The following UNC13B variants were observed in gnomAD, a reference collection of about 807,000 sequenced individuals.
The protein encoded by UNC13B is unc-13 homolog B.
In UNC13B, 144 loss-of-function variants were observed where a neutral mutation model predicts 211.0. That is an observed-to-expected ratio of 0.68 (90% CI 0.60 to 0.78). The LOEUF is 0.78. Ranked by LOEUF, UNC13B falls within the 30% of genes least tolerant of loss-of-function variation. UNC13B has a pLI of 0.00. For missense variants in UNC13B, 1,777 were observed against 2,002.0 expected, an observed-to-expected ratio of 0.89 and a Z score of 2.14; for synonymous variants, 709 against 725.8, an observed-to-expected ratio of 0.98 and a Z score of 0.37.
rs547397955 is a variant in UNC13B, at chr9:35,223,845, C to T, written c.23-4170C>T. Among the ~76,000 whole-genome samples, 6 of 152,036 alleles carry T rather than the reference C, an allele frequency of 3.9e-5. No homozygotes were observed. In the South Asian group the frequency reaches 1.0e-3, roughly 26 times the overall value. ...TTTGAGTTGATTTTTGTGATAGGTGCCCAGTTTCATTCTTCTGTAATATGG... is the reference window on the plus strand; with the variant it reads ...TTTGAGTTGATTTTTGTGATAGGTGTCCAGTTTCATTCTTCTGTAATATGG... On this transcript the variant is annotated intron_variant, in intron 1 of 39. Coordinates refer to ENST00000635942, the MANE Select transcript of UNC13B (RefSeq NM_001371189.2).
intron 11 of UNC13B, chr9:35,342,288 A>G: frequency 1.0e-6 from 1 of 985,534 alleles, no homozygotes; most frequent in Non-Finnish European, 1.2e-6. Flanking sequence ...TTGAGAATTC[A>G]TGGTTTTAAT....
chr9:35,402,179 T>C (rs1266761898), intron 37 of UNC13B, among the ~76,000 whole-genome samples: 2 of 152,166 alleles, frequency 1.3e-5, no homozygotes, highest in Non-Finnish European at 2.9e-5. Flanking sequence ...AGGGGTTCTG[T>C]TGTTGATCTC....
intron 6 of UNC13B, among the ~76,000 whole-genome samples, chr9:35,253,469 C>T (rs1297156803): frequency 2.0e-5 from 3 of 152,096 alleles, no homozygotes; most frequent in African/African-American, 7.2e-5. Context: ...TTTAAGTATA[C>T]ATACAAATAC....
In UNC13B at chr9:35,399,715, C is replaced by A; in HGVS notation, c.12322C>A (p.Leu4108Met). 1 of 1,614,156 alleles carries A rather than the reference C, an allele frequency of 6.2e-7. No homozygotes were observed. ...GCAGTGTGCAGTCCTTGACCTCGCC[C>A]TGGACACCATCAAGGTGGAGGCCCC... ...PKQCAVLDLA[L>M]DTIKQYFHAG... The change falls in exon 36 of 40, where the codon CTG (leucine) becomes ATG (methionine). Residue 4108 changes from leucine (L) to methionine (M), a missense_variant. Physicochemically the swap from Leu to Met is conservative, Grantham distance 15. Transcript: ENST00000635942.
intron 1 of UNC13B, among the ~76,000 whole-genome samples, chr9:35,196,148 G>A (rs975643940): frequency 6.6e-6 from 1 of 152,040 alleles, no homozygotes; most frequent in Non-Finnish European, 1.5e-5. Flanking sequence ...ATAAGAAATG[G>A]TGGTTATTGT....
intron 11 of UNC13B, among the ~76,000 whole-genome samples, chr9:35,323,453 C>T (rs188153183): frequency 6.6e-6 from 1 of 152,228 alleles, no homozygotes; most frequent in Non-Finnish European, 1.5e-5. Context: ...CTTATCTTAG[C>T]CACAGCTTTT....
intron 1 of UNC13B, among the ~76,000 whole-genome samples, chr9:35,188,777 A>T (rs903330353): frequency 6.6e-6 from 1 of 152,230 alleles, no homozygotes; most frequent in Non-Finnish European, 1.5e-5. Context: ...TTACTATTAC[A>T]TGAAAATCCT....
intron 8 of UNC13B, among the ~76,000 whole-genome samples, chr9:35,297,547 C>CTTTTTTTTTGTTTTTTTTTTTTTTTTTT (rs1829431088): frequency 9.9e-6 from 1 of 100,876 alleles, no homozygotes; most frequent in African/African-American, 4.1e-5. Context: ...CATACTTTGT[C>CTTTTTTTTTGTTTTTTTTTTTTTTTTTT]TTTTTTTTTT....
At chr9:35,331,949 C>G (rs1035364111) in intron 11 of UNC13B, among the ~76,000 whole-genome samples, 8 of 152,050 alleles carry the variant, frequency 5.3e-5, no homozygotes, top group Non-Finnish European at 1.2e-4. Flanking sequence ...TGTGCTTGGT[C>G]CTACCTACTG....
intron 12 of UNC13B, among the ~76,000 whole-genome samples, chr9:35,368,772 T>A (rs1587712281): frequency 6.6e-6 from 1 of 151,946 alleles, no homozygotes; most frequent in East Asian, 1.9e-4. Flanking sequence ...AATCATTGAA[T>A]GAGCTACCCC....
At chr9:35,401,954 A>C (rs577043554) in intron 37 of UNC13B, 2 of 1,550,562 alleles carry the variant, frequency 1.3e-6, no homozygotes, top group Non-Finnish European at 1.7e-6. Flanking sequence ...CATTCAGTGC[A>C]TGATGGGAAA....
chr9:35,175,015 C>G (rs1049973179), intron 1 of UNC13B, among the ~76,000 whole-genome samples: 31 of 151,102 alleles, frequency 2.1e-4, no homozygotes, highest in Non-Finnish European at 3.1e-4. Flanking sequence ...TGAGGCTTGT[C>G]TCGAACTCCT....
intron 2 of UNC13B, among the ~76,000 whole-genome samples, chr9:35,230,875 C>A (rs1825160841): frequency 6.6e-6 from 1 of 152,006 alleles, no homozygotes; most frequent in South Asian, 2.1e-4. Flanking sequence ...TCTGTTGGGT[C>A]ATATATAAAA....
Position 35,162,256 on chromosome 9 carries a change from G to A in UNC13B, c.-28G>A. On this transcript the variant is annotated 5_prime_UTR_variant, in exon 1 of 40. Transcript: ENST00000635942. ...GGGAGCGGTCCGGCGCGGCTGGGGC[G>A]CGGCAGAGGCTTGCCCGATCCTCGG... The A allele has an allele frequency of 6.5e-7, 1 of 1,542,450 alleles. No homozygotes were observed. Among genetic ancestry groups the A allele is most frequent in the Non-Finnish European group, 8.7e-7 (1 of 1,147,294 alleles).
chr9:35,232,127 A>G (rs914837465), intron 3 of UNC13B, among the ~76,000 whole-genome samples: 3 of 107,862 alleles, frequency 2.8e-5, no homozygotes, highest in Admixed American at 1.0e-4. Context: ...GATGGTTATT[A>G]TTTTTAAGGG....
rs1829945924 is a variant in UNC13B at position 35,306,784 on chromosome 9, GTTTGTGAC to G, written c.7381_7388del (p.Phe2461GlnfsTer11). 1.8e-5 allele frequency: 7 copies of G among 398,900 alleles called. No homozygotes were observed. The South Asian group carries it at 8.9e-4, about 51-fold the overall frequency. 24.7% of individuals were successfully genotyped at this position (398,900 alleles called of 1,614,324 possible). Reference sequence around the variant, plus strand: ...GCTCTTCAGTAGACATGCTTTCAGGGTTTGTGACCAAAGTGAAATCTTTCTCTGGGAGC... The same window carrying G: ...GCTCTTCAGTAGACATGCTTTCAGGGCAAAGTGAAATCTTTCTCTGGGAGC... On this transcript the variant is annotated frameshift_variant, in exon 9 of 40. Coordinates refer to ENST00000635942, the MANE Select transcript of UNC13B (RefSeq NM_001371189.2). LOFTEE classifies it high-confidence loss of function.
chr9:35,369,854 AT>A (rs1834004668), intron 12 of UNC13B, among the ~76,000 whole-genome samples: 1 of 152,044 alleles, frequency 6.6e-6, no homozygotes, highest in Admixed American at 6.6e-5. Context: ...TCTATGTGCC[AT>A]TGTCTGGTAT....
At chr9:35,271,820 C>T (rs10114937) in intron 7 of UNC13B, among the ~76,000 whole-genome samples, 95,611 of 152,106 alleles carry the variant, frequency 0.63, 30,740 homozygotes, top group Middle Eastern at 0.75. Flanking sequence ...TAGCATGTGA[C>T]GAAGGTTTGG....
At chr9:35,352,612 A>G (rs1832785607) in intron 11 of UNC13B, 3 of 1,232,042 alleles carry the variant, frequency 2.4e-6, no homozygotes, top group Non-Finnish European at 2.0e-6. Flanking sequence ...CTCAGGATCA[A>G]CAGAGAGAGC....
Sources: allele counts gnomAD v4.1 joint callset (sites outside exome capture counted in the v4.1 genomes callset), GRCh38; gene constraint gnomAD v4.1.1; transcripts MANE v1.5; gene names NCBI Gene and HGNC (gene_info 2026-07-23, HGNC 2026-07-21).